The following SH3PXD2B variants were observed in gnomAD, a reference collection of about 807,000 sequenced individuals.
The protein encoded by SH3PXD2B is SH3 and PX domains 2B, also known as SH3 and PX domain-containing protein 2B.
In SH3PXD2B, 37 loss-of-function variants were observed where a neutral mutation model predicts 73.1. The observed-to-expected ratio is 0.51, with a 90% CI of 0.39 to 0.67. SH3PXD2B has a LOEUF of 0.67. Among genes scored for constraint, SH3PXD2B ranks in the 30% least tolerant of loss-of-function variants. The pLI is 0.00. For missense variants in SH3PXD2B, 1,053 were observed against 1,197.8 expected (o/e 0.88, Z 1.78); for synonymous variants, 457 against 480.5 (o/e 0.95, Z 0.64).
Position 172,406,657 on chromosome 5 carries a change from A to G in SH3PXD2B, c.157-305T>C, listed in dbSNP as rs540544580. Among the ~76,000 whole-genome samples, 3 of 152,318 alleles carry G rather than the reference A, an allele frequency of 2.0e-5. No individual in the cohort carries two copies. The East Asian group carries it at 5.8e-4, about 29-fold the overall frequency. On this transcript the variant is annotated intron_variant, in intron 2 of 12. Transcript: ENST00000311601. The stretch of plus-strand genomic sequence containing the variant: ...AAACGTGAACAACACTCTCAGGGCC[A>G]CCAGGATTTCATGGACAGCAGGTCA...
intron 10 of SH3PXD2B, among the ~76,000 whole-genome samples, chr5:172,348,158 T>C (rs1757037543): frequency 6.6e-6 from 1 of 152,188 alleles, no homozygotes; most frequent in African/African-American, 2.4e-5. Context: ...GCTGTCTATA[T>C]AGACTTCATT....
chr5:172,344,578 G>A (rs900681990), intron 12 of SH3PXD2B, among the ~76,000 whole-genome samples: 2 of 118,224 alleles, frequency 1.7e-5, no homozygotes, highest in Non-Finnish European at 3.3e-5. Flanking sequence ...ACAGAGGAGC[G>A]AGGCTCTGTC....
intron 2 of SH3PXD2B, among the ~76,000 whole-genome samples, chr5:172,417,178 GCT>G (rs1161573101): frequency 6.6e-6 from 1 of 152,166 alleles, no homozygotes; most frequent in Non-Finnish European, 1.5e-5. Flanking sequence ...ATCTGCCACT[GCT>G]CTGTTAGTCT....
At chr5:172,357,669 AATC>A (rs1425176585) in intron 8 of SH3PXD2B, among the ~76,000 whole-genome samples, 2 of 152,114 alleles carry the variant, frequency 1.3e-5, no homozygotes, top group Non-Finnish European at 2.9e-5. Flanking sequence ...ACGACCCCTT[AATC>A]TGAGTTGATT....
At chr5:172,369,213 T>TTTTTGTTTTG (rs373659178) in intron 6 of SH3PXD2B, among the ~76,000 whole-genome samples, 1 of 150,896 alleles carries the variant, frequency 6.6e-6, no homozygotes, top group Non-Finnish European at 1.5e-5. Context: ...TTATGTATTT[T>TTTTTGTTTTG]TTTTGTTTTG....
chr5:172,408,149 G>GT (rs1554140037), intron 2 of SH3PXD2B, among the ~76,000 whole-genome samples: 132 of 147,788 alleles, frequency 8.9e-4, no homozygotes, highest in Admixed American at 1.1e-3. Flanking sequence ...TAAACTGTGG[G>GT]TTTTTTTTTT....
At position 172,334,003 on chromosome 5, in the gene SH3PXD2B, T is replaced by C; in HGVS notation, c.*4366A>G. ...AGCCTGGTGGGGGCACCTTCTTTTT[T>C]ACATGAATAGGACATCTAAAAGTGA... is the stretch of plus-strand genomic sequence containing the variant. On this transcript the variant is annotated 3_prime_UTR_variant, in exon 13 of 13. Coordinates refer to ENST00000311601, the MANE Select transcript of SH3PXD2B (RefSeq NM_001017995.3). 3 of 1,193,012 alleles carry C rather than the reference T, an allele frequency of 2.5e-6. No individual in the cohort carries two copies. Among genetic ancestry groups the C allele is most frequent in the South Asian group, 3.2e-5 (2 of 63,096 alleles). 73.9% of individuals were successfully genotyped at this position (1,193,012 alleles called of 1,614,324 possible). A position where few individuals can be genotyped will look rare whatever the true frequency, so the allele number is the denominator to read the frequency against.
intron 7 of SH3PXD2B, among the ~76,000 whole-genome samples, chr5:172,359,143 T>C (rs1757345086): frequency 6.6e-6 from 1 of 152,126 alleles, no homozygotes; most frequent in Admixed American, 6.5e-5. Flanking sequence ...CTCATGCCTG[T>C]AATCCCAGCA....
chr5:172,396,541 A>T (rs1758302492), intron 3 of SH3PXD2B, among the ~76,000 whole-genome samples: 1 of 152,158 alleles, frequency 6.6e-6, no homozygotes, highest in South Asian at 2.1e-4. Context: ...AAACAACTGG[A>T]CAACTTGCTC....
intron 1 of SH3PXD2B, among the ~76,000 whole-genome samples, chr5:172,439,690 GCGCACACACACACACACACA>G (rs1561583964): frequency 0.018 from 2,077 of 113,230 alleles, 49 homozygotes; most frequent in African/African-American, 0.073. Context: ...GCGCACGCGC[GCGCACACACACACACACACA>G]CACACACACA....
At chr5:172,355,141 G>C (rs1337226344) in intron 8 of SH3PXD2B, among the ~76,000 whole-genome samples, 2 of 152,242 alleles carry the variant, frequency 1.3e-5, no homozygotes, top group Non-Finnish European at 2.9e-5. Context: ...CTGTGGCCTG[G>C]TGTCATGGTT....
intron 2 of SH3PXD2B, among the ~76,000 whole-genome samples, chr5:172,420,415 A>C (rs1160181507): frequency 6.6e-6 from 1 of 152,186 alleles, no homozygotes; most frequent in Non-Finnish European, 1.5e-5. Context: ...TTAGGAACAC[A>C]TTATTTCCCC....
At chr5:172,329,079 A>AT (rs1386540665), downstream of SH3PXD2B, among the ~76,000 whole-genome samples, 20 of 64,498 alleles carry the variant, frequency 3.1e-4, no homozygotes, top group African/African-American at 4.4e-4. Context: ...ATATATATAT[A>AT]TATATTTTTT....
chr5:172,384,064 C>T (rs1210508810), intron 4 of SH3PXD2B, among the ~76,000 whole-genome samples: 1 of 152,018 alleles, frequency 6.6e-6, no homozygotes, highest in African/African-American at 2.4e-5. Flanking sequence ...CCAGGATAGT[C>T]TCGATCTCCT....
intron 7 of SH3PXD2B, among the ~76,000 whole-genome samples, chr5:172,360,669 T>C (rs937996632): frequency 6.6e-6 from 1 of 152,114 alleles, no homozygotes; most frequent in Non-Finnish European, 1.5e-5. Context: ...CTGTCTCTAC[T>C]AAAAATACAA....
chr5:172,434,782 G>GTTTTTTTTTTTTTGTTTT (rs747705663), intron 1 of SH3PXD2B, among the ~76,000 whole-genome samples: 3 of 66,342 alleles, frequency 4.5e-5, no homozygotes, highest in African/African-American at 1.4e-4. Context: ...ATGGCCAATG[G>GTTTTTTTTTTTTTGTTTT]TTTTTTTTTT....
At chr5:172,422,848 C>T (rs1211269136) in intron 1 of SH3PXD2B, among the ~76,000 whole-genome samples, 1 of 152,190 alleles carries the variant, frequency 6.6e-6, no homozygotes, top group East Asian at 1.9e-4. Flanking sequence ...TTCCTAAAAC[C>T]TTGACTTTCA....
rs1006320619 is a variant in SH3PXD2B, at chr5:172,336,818, A to G, written c.*1551T>C. On this transcript the variant is annotated 3_prime_UTR_variant, in exon 13 of 13. Transcript: ENST00000311601. ...TGCTGGGTCCTGATTTTGCTTCTGC[A>G]GTGATTTAGTCATGCCTCTCCAGAC... The G allele has an allele frequency of 1.0e-6, 1 of 985,620 alleles. No individual in the cohort carries two copies. The allele number at this position is 985,620 out of a possible 1,614,324, so 61.1% of individuals were successfully genotyped here.
In SH3PXD2B at chr5:172,339,705, G is replaced by C; in HGVS notation, c.1400C>G (p.Ser467Cys). The C allele has an allele frequency of 6.2e-7, 1 of 1,614,230 alleles. No homozygotes were observed. The highest frequency in any genetic ancestry group is 1.3e-5 in the African/African-American group (1 of 75,082). ...ATGCGGTGCGTCAGGCAGGGGCCGG[G>C]AGGGGCCCGTGGCTTCGCTGCCCGT... ...NNTGSEATGP[S>C]RPLPDAPHGV... Residue 467 changes from serine to cysteine, a missense_variant, in exon 13 of 13, where the codon TCC becomes TGC. Transcript: ENST00000311601. This position sits in a 1 kb window ranked among gnomAD's most constrained non-coding sequence, Gnocchi z 6.1.
Sources: gnomAD v4.1 joint callset for allele counts (sites outside exome capture counted in the v4.1 genomes callset) on GRCh38, gnomAD v4.1.1 for gene constraint, Gnocchi (gnomAD v3.1) non-coding constraint, MANE v1.5 for transcripts, NCBI Gene and HGNC (gene_info 2026-07-23, HGNC 2026-07-21) for gene names.